The following SMG6 variants were observed in gnomAD, a reference collection of about 807,000 sequenced individuals.
SMG6 encodes telomerase-binding protein EST1A.
A neutral mutation model predicts 142.2 loss-of-function variants in SMG6; 66 were observed. The ratio of observed to expected loss-of-function variants is 0.46; its 90% CI spans 0.38 to 0.57. The LOEUF is 0.57. Ranked by LOEUF, SMG6 falls within the 20% of genes least tolerant of loss-of-function variation. The pLI is 0.00. For missense variants in SMG6, 1,793 were observed against 1,832.0 expected, an observed-to-expected ratio of 0.98 and a Z score of 0.39; for synonymous variants, 779 against 702.4, an observed-to-expected ratio of 1.11 and a Z score of -1.72.
intron 13 of SMG6, among the ~76,000 whole-genome samples, chr17:2,097,181 T>G (rs2068879057): frequency 6.6e-6 from 1 of 150,954 alleles, no homozygotes; most frequent in African/African-American, 2.4e-5. Context: ...TTAGACAGGG[T>G]CTCTCTCTGT....
chr17:2,278,615 T>C (rs1164594296), intron 8 of SMG6, among the ~76,000 whole-genome samples: 2 of 152,190 alleles, frequency 1.3e-5, no homozygotes, highest in African/African-American at 4.8e-5. Context: ...ACTGGAAGTA[T>C]TGGAACGAGT....
chr17:2,157,863 G>C (rs944718071), intron 13 of SMG6, among the ~76,000 whole-genome samples: 13 of 152,196 alleles, frequency 8.5e-5, no homozygotes, highest in Non-Finnish European at 1.5e-5. Context: ...AGAACCAGCT[G>C]GGTATTGCAA....
chr17:2,164,601 G>A (rs945898588), intron 13 of SMG6, among the ~76,000 whole-genome samples: 2 of 152,022 alleles, frequency 1.3e-5, no homozygotes, highest in Admixed American at 1.3e-4. Context: ...GAGTAAGAGA[G>A]TGAGACTCCC....
chr17:2,222,423 G>C (rs2073196421), intron 10 of SMG6, among the ~76,000 whole-genome samples: 1 of 151,700 alleles, frequency 6.6e-6, no homozygotes, highest in Admixed American at 6.6e-5. Flanking sequence ...CTAATGCGAA[G>C]GGCCAAAGGT....
chr17:2,253,948 G>A (rs953741932), intron 8 of SMG6, among the ~76,000 whole-genome samples: 3 of 152,196 alleles, frequency 2.0e-5, no homozygotes, highest in African/African-American at 7.2e-5. Context: ...GCTCCTGGAC[G>A]TTTCCCAAAA....
chr17:2,205,061 T>C (rs1253493328), intron 10 of SMG6, among the ~76,000 whole-genome samples: 1 of 152,132 alleles, frequency 6.6e-6, no homozygotes, highest in Non-Finnish European at 1.5e-5. Flanking sequence ...GAAACCTGTA[T>C]GTATCTAGTT....
At chr17:2,197,973 T>C (rs944383495) in intron 10 of SMG6, among the ~76,000 whole-genome samples, 1 of 152,192 alleles carries the variant, frequency 6.6e-6, no homozygotes, top group African/African-American at 2.4e-5. Context: ...GCAATTGAAC[T>C]CTGGGGCTTT....
intron 1 of SMG6, chr17:2,302,969 T>G (rs2075317346): frequency 1.0e-6 from 1 of 985,348 alleles, no homozygotes; most frequent in Admixed American, 6.1e-5. Context: ...TACACAACTC[T>G]ATTGCCTAAC....
At chr17:2,119,355 C>T (rs1180457837) in intron 13 of SMG6, among the ~76,000 whole-genome samples, 1 of 151,912 alleles carries the variant, frequency 6.6e-6, no homozygotes, top group Non-Finnish European at 1.5e-5. Context: ...CTGCGCCCGG[C>T]CATAATTTTT....
At position 2,201,175 on chromosome 17, in the gene SMG6, T is replaced by C. The variant is rs1177034596; in HGVS notation, c.2870-12660A>G. Among the ~76,000 whole-genome samples, 5 of 152,246 alleles carry C rather than the reference T, an allele frequency of 3.3e-5. No individual in the cohort carries two copies. In the South Asian group the frequency reaches 1.0e-3, roughly 32 times the overall value. On this transcript the variant is annotated intron_variant, in intron 10 of 18. Transcript: ENST00000263073. ...AGAACTGAGGTATATAAAGAACTCT[T>C]TCAACTCAGCAAAATAAATAAAAAA...
chr17:2,241,756 TA>T (rs1334700120), intron 9 of SMG6, among the ~76,000 whole-genome samples: 5 of 152,186 alleles, frequency 3.3e-5, no homozygotes, highest in Admixed American at 3.3e-4. Flanking sequence ...TGTGTCAAAA[TA>T]TAAGAATTTT....
At position 2,061,724 on chromosome 17, in the gene SMG6, C is replaced by T. The variant is rs778467121; in HGVS notation, c.4130-102G>A. The stretch of plus-strand genomic sequence containing the variant: ...ATGTGGTCCTGGGGAGGGGGTGCCA[C>T]GCTAGCCGTGTCTTGGCTCTTCTAC... On this transcript the variant is annotated intron_variant, in intron 18 of 18. Transcript: ENST00000263073. 3.1e-4 allele frequency: 417 copies of T among 1,333,542 alleles called. 3 individuals are homozygous for T. Among genetic ancestry groups the T allele is most frequent in the Middle Eastern group, 3.8e-4 (2 of 5,220 alleles). The allele number at this position is 1,333,542 out of a possible 1,614,324, so 82.6% of individuals were successfully genotyped here. A position where few individuals can be genotyped will look rare whatever the true frequency, so the allele number is the denominator to read the frequency against.
intron 13 of SMG6, among the ~76,000 whole-genome samples, chr17:2,160,069 T>G (rs1429104634): frequency 6.6e-6 from 1 of 152,148 alleles, no homozygotes; most frequent in East Asian, 1.9e-4. Flanking sequence ...TTCTATACCT[T>G]GATTGAAGTG....
At chr17:2,063,240 G>A (rs532066765) in intron 18 of SMG6, 3 of 152,356 alleles carry the variant, frequency 2.0e-5, no homozygotes, top group Admixed American at 2.0e-4. Flanking sequence ...CCTCTGTTTT[G>A]ACACTGGTAA....
At chr17:2,108,313 A>C (rs2069209869) in intron 13 of SMG6, among the ~76,000 whole-genome samples, 1 of 152,160 alleles carries the variant, frequency 6.6e-6, no homozygotes, top group Non-Finnish European at 1.5e-5. Context: ...ACACATATTG[A>C]AACTTTCATT....
intron 8 of SMG6, among the ~76,000 whole-genome samples, chr17:2,276,638 G>A (rs1265016800): frequency 2.0e-5 from 3 of 152,004 alleles, no homozygotes; most frequent in Non-Finnish European, 4.4e-5. Context: ...CACCCACCTC[G>A]GTCTCCCAAA....
rs576233856 is a variant in SMG6, at chr17:2,295,084, G to A, written c.2152-2107C>T. Among the ~76,000 whole-genome samples, 6 of 152,176 alleles carry A rather than the reference G, an allele frequency of 3.9e-5. No homozygotes were observed. The East Asian group carries it at 1.2e-3, about 29-fold the overall frequency. On this transcript the variant is annotated intron_variant, in intron 4 of 18. Transcript: ENST00000263073. ...TAGAGAGGGGGTTTCGCCATGTTGGGCCAGGCTGGTCTCAAACTCCTGACC... is the reference window on the plus strand; with the variant it reads ...TAGAGAGGGGGTTTCGCCATGTTGGACCAGGCTGGTCTCAAACTCCTGACC...
intron 13 of SMG6, among the ~76,000 whole-genome samples, chr17:2,148,452 A>G (rs956151141): frequency 1.2e-4 from 18 of 152,382 alleles, no homozygotes; most frequent in Admixed American, 8.5e-4. Flanking sequence ...AACTTTTGCC[A>G]CGTGCTACGG....
intron 13 of SMG6, among the ~76,000 whole-genome samples, chr17:2,121,192 G>C (rs2069676659): frequency 6.6e-6 from 1 of 152,162 alleles, no homozygotes; most frequent in Admixed American, 6.6e-5. Flanking sequence ...TCCAAAAACA[G>C]ATTTGTGTAC....
Sources: allele counts gnomAD v4.1 joint callset (sites outside exome capture counted in the v4.1 genomes callset), GRCh38; gene constraint gnomAD v4.1.1; transcripts MANE v1.5; gene names NCBI Gene and HGNC (gene_info 2026-07-23, HGNC 2026-07-21).